DNAH11: variants seen among roughly 807,000 people sequenced by gnomAD.
The protein encoded by DNAH11 is dynein axonemal heavy chain 11, also known as axonemal beta dynein heavy chain 11.
In DNAH11, 442 loss-of-function variants were observed where a neutral mutation model predicts 526.0. The observed-to-expected ratio is 0.84, with a 90% CI of 0.78 to 0.91. The LOEUF (loss-of-function observed/expected upper bound fraction) is 0.91, where lower values mean the gene tolerates loss of function less well. Ranked by LOEUF, DNAH11 falls within the 40% of genes least tolerant of loss-of-function variation. The pLI, the probability that DNAH11 is intolerant of heterozygous loss-of-function variation, is 0.00. For synonymous variants in DNAH11, 2,461 were observed against 1,935.9 expected (o/e 1.27, Z -7.12); for missense variants, 6,989 against 5,448.7 (o/e 1.28, Z -8.90).
rs369681550 is a variant in DNAH11, at chr7:21,698,186, G to A, written c.6153G>A (p.Thr2051=). The change falls in exon 36 of 82, where the codon ACG becomes ACA. Residue 2051 remains threonine (T), a synonymous_variant. Coordinates refer to ENST00000409508, the MANE Select transcript of DNAH11 (RefSeq NM_001277115.2). ...CCCGAAAGTTCATTACGTTGTACAC[G>A]CTTTGCAAGGAGCTTCTCTCCAAGC... ...ALARKFITLY[T]LCKELLSKQD... 40 of 1,613,466 alleles carry A rather than the reference G, an allele frequency of 2.5e-5. No homozygotes were observed. Among genetic ancestry groups the A allele is most frequent in the South Asian group, 8.8e-5 (8 of 91,002 alleles).
chr7:21,605,037 T>C (rs557481746), intron 18 of DNAH11, among the ~76,000 whole-genome samples: 2 of 152,360 alleles, frequency 1.3e-5, no homozygotes, highest in South Asian at 4.1e-4. Flanking sequence ...GACCTCCTGA[T>C]AGTTAGCACA....
intron 63 of DNAH11, among the ~76,000 whole-genome samples, chr7:21,811,415 C>T (rs1486722861): frequency 1.3e-5 from 2 of 151,120 alleles, no homozygotes; most frequent in Admixed American, 6.6e-5. Context: ...GAGATCGCGC[C>T]ACTGTACTCC....
Position 21,635,062 on chromosome 7 carries a change from A to G in DNAH11, c.4501-809A>G, listed in dbSNP as rs542507327. On this transcript the variant is annotated intron_variant, in intron 25 of 81. Coordinates refer to ENST00000409508, the MANE Select transcript of DNAH11 (RefSeq NM_001277115.2). Reference sequence around the variant, plus strand: ...CAAAACAAAAACAAGCACTGGTGATAGGAGAGCTGTGGAGCTTAGCAGTAA... The same window carrying G: ...CAAAACAAAAACAAGCACTGGTGATGGGAGAGCTGTGGAGCTTAGCAGTAA... Among the ~76,000 whole-genome samples, 15 of 152,332 alleles carry G rather than the reference A, an allele frequency of 9.8e-5. No homozygotes were observed. In the East Asian group the frequency reaches 2.9e-3, roughly 29 times the overall value.
rs1283635124 is a variant in DNAH11, at chr7:21,765,217, C to T, written c.8941-211C>T. 4.0e-5 allele frequency among the ~76,000 whole-genome samples: 5 copies of T among 123,790 alleles called. No individual in the cohort carries two copies. The East Asian group carries it at 9.4e-4, about 23-fold the overall frequency. 81.2% of individuals were successfully genotyped at this position (123,790 alleles called of 152,430 possible). On this transcript the variant is annotated intron_variant, in intron 54 of 81. Coordinates refer to ENST00000409508, the MANE Select transcript of DNAH11 (RefSeq NM_001277115.2). ...GACAAGTTTTAAGGAAAGTACACAGCAGTGTTTCTGTGTCCAGTGGAGCAG... is the reference window on the plus strand; with the variant it reads ...GACAAGTTTTAAGGAAAGTACACAGTAGTGTTTCTGTGTCCAGTGGAGCAG...
At chr7:21,619,832 A>G (rs1217407170) in intron 24 of DNAH11, 124 bp from the exon 25 acceptor site, 4 of 894,580 alleles carry the variant, frequency 4.5e-6, no homozygotes, top group Non-Finnish European at 6.8e-6. Flanking sequence ...GAAAAAACTC[A>G]AGCCAATAAT....
intron 20 of DNAH11, among the ~76,000 whole-genome samples, chr7:21,611,755 A>T (rs1785531315): frequency 6.6e-6 from 1 of 152,234 alleles, no homozygotes; most frequent in Admixed American, 6.5e-5. Flanking sequence ...GTAGTGGATG[A>T]TGTCTTTCAA....
At chr7:21,694,889 AT>A (rs1783783873) in intron 35 of DNAH11, among the ~76,000 whole-genome samples, 1 of 152,154 alleles carries the variant, frequency 6.6e-6, no homozygotes, top group South Asian at 2.1e-4. Flanking sequence ...AATGAGTGCC[AT>A]TTTAACTGGC....
At position 21,862,035 on chromosome 7, in the gene DNAH11, A is replaced by G. The variant is rs1783083834; in HGVS notation, c.11373+12A>G. On this transcript the variant is annotated intron_variant, in intron 69 of 81. Coordinates refer to ENST00000409508, the MANE Select transcript of DNAH11 (RefSeq NM_001277115.2). ...AGATGGCTTTTCAGGTAAGGAGATC[A>G]GTTACTTGAAAAAGGATCCCCAGAA... 2 of 1,602,084 alleles carry G rather than the reference A, an allele frequency of 1.2e-6. No individual in the cohort carries two copies. The highest frequency in any genetic ancestry group is 1.7e-6 in the Non-Finnish European group (2 of 1,174,306).
At chr7:21,616,135 G>T (rs1231951009) in intron 21 of DNAH11, 74 bp from the exon 22 acceptor site, 2 of 1,096,216 alleles carry the variant, frequency 1.8e-6, no homozygotes, top group Admixed American at 3.7e-5. Context: ...TGTATCATCA[G>T]TTTATATATT....
chr7:21,821,445 C>T (rs1264892984), intron 65 of DNAH11, among the ~76,000 whole-genome samples: 1 of 152,136 alleles, frequency 6.6e-6, no homozygotes, highest in Non-Finnish European at 1.5e-5. Context: ...CCTGTCTTGC[C>T]TCTGCTCTTT....
At chr7:21,574,867 C>CTTTT (rs869117425) in intron 8 of DNAH11, among the ~76,000 whole-genome samples, 1,039 of 42,874 alleles carry the variant, frequency 0.024, 226 homozygotes, top group East Asian at 0.14. Flanking sequence ...CTGCACTGGG[C>CTTTT]TTTTTTTTTT....
intron 34 of DNAH11, among the ~76,000 whole-genome samples, chr7:21,688,652 T>C (rs929159303): frequency 2.0e-5 from 3 of 152,214 alleles, no homozygotes; most frequent in Non-Finnish European, 2.9e-5. Flanking sequence ...TCTTAGTCCT[T>C]CCACCAACTC....
At chr7:21,818,103 C>T in intron 64 of DNAH11, 114 bp from the exon 65 acceptor site, 1 of 1,041,504 alleles carries the variant, frequency 9.6e-7, no homozygotes, top group South Asian at 1.7e-5. Context: ...ATAGTTTTCT[C>T]TAAGTTTGTC....
intron 61 of DNAH11, among the ~76,000 whole-genome samples, chr7:21,792,027 A>G (rs1365879952): frequency 1.3e-5 from 2 of 152,306 alleles, no homozygotes; most frequent in African/African-American, 4.8e-5. Context: ...AAGGGGGATC[A>G]GGCATCTTAC....
At chr7:21,840,480 C>G (rs1035375663) in intron 65 of DNAH11, among the ~76,000 whole-genome samples, 1 of 152,090 alleles carries the variant, frequency 6.6e-6, no homozygotes, top group Non-Finnish European at 1.5e-5. Context: ...GAAGACTGAG[C>G]CGAGACTGTT....
chr7:21,631,856 T>C (rs1326389860), intron 25 of DNAH11, among the ~76,000 whole-genome samples: 4 of 152,202 alleles, frequency 2.6e-5, no homozygotes, highest in Non-Finnish European at 4.4e-5. Context: ...CCTCTTCTCA[T>C]GGCTTCACTA....
At chr7:21,746,931 A>T (rs898193879) in intron 51 of DNAH11, among the ~76,000 whole-genome samples, 2 of 152,176 alleles carry the variant, frequency 1.3e-5, no homozygotes, top group African/African-American at 2.4e-5. Flanking sequence ...CCTCCCATTG[A>T]TACTGAGGAA....
chr7:21,569,144 A>G (rs1011490701), intron 6 of DNAH11, among the ~76,000 whole-genome samples: 3 of 152,224 alleles, frequency 2.0e-5, no homozygotes, highest in Non-Finnish European at 2.9e-5. Context: ...TTAATGGGAA[A>G]TGAAAGGTCA....
At chr7:21,873,784 C>CT (rs57333575) in intron 74 of DNAH11, among the ~76,000 whole-genome samples, 17,093 of 68,814 alleles carry the variant, frequency 0.25, 4,746 homozygotes, top group East Asian at 0.53. Flanking sequence ...GAGGAGGTTG[C>CT]TTTTTTTTTT....
Sources: gnomAD v4.1 joint callset for allele counts (sites outside exome capture counted in the v4.1 genomes callset) on GRCh38, gnomAD v4.1.1 for gene constraint, MANE v1.5 for transcripts, NCBI Gene and HGNC (gene_info 2026-07-23, HGNC 2026-07-21) for gene names.